The following RNF150 variants were observed in gnomAD, a reference collection of about 807,000 sequenced individuals.
The protein encoded by RNF150 is ring finger protein 150.
In RNF150, 24 loss-of-function variants were observed where a neutral mutation model predicts 39.3. The observed-to-expected ratio is 0.61, with a 90% confidence interval of 0.44 to 0.86. The LOEUF (loss-of-function observed/expected upper bound fraction) is 0.86. Among genes scored for constraint, RNF150 ranks in the 40% least tolerant of loss-of-function variants. The probability of loss-of-function intolerance (pLI) is 0.00; values close to 1 mark genes in which losing one functional copy is unlikely to be tolerated. For missense variants in RNF150, 502 were observed against 587.8 expected (o/e 0.85, Z 1.51); for synonymous variants, 255 against 227.3 (o/e 1.12, Z -1.10).
At chr4:140,939,489 G>A (rs974650123) in intron 4 of RNF150, among the ~76,000 whole-genome samples, 3 of 152,144 alleles carry the variant, frequency 2.0e-5, no homozygotes, top group African/African-American at 7.2e-5. Flanking sequence ...AATAGAATCA[G>A]TTATCTATTT....
In RNF150 at chr4:140,867,966, TG is replaced by T. The variant is rs1437722083; in HGVS notation, c.*294del. 3.4e-6 allele frequency: 1 copy of T among 295,462 alleles called. No homozygotes were observed. The allele number at this position is 295,462 out of a possible 1,614,324, so 18.3% of individuals were successfully genotyped here. On this transcript the variant is annotated 3_prime_UTR_variant, in exon 7 of 7. Coordinates refer to ENST00000515673, the MANE Select transcript of RNF150 (RefSeq NM_020724.2). Reference sequence around the variant, plus strand: ...AAATGAAACTAAGAAATCCTAAAGGTGGCCTTTCAGTCTCTGTTTTAGGAGC... The same window carrying T: ...AAATGAAACTAAGAAATCCTAAAGGTGCCTTTCAGTCTCTGTTTTAGGAGC...
intron 1 of RNF150, among the ~76,000 whole-genome samples, chr4:140,992,750 T>G (rs185192072): frequency 9.2e-5 from 14 of 152,260 alleles, no homozygotes; most frequent in African/African-American, 3.4e-4. Flanking sequence ...CTCCTCCCCC[T>G]TTCATGCTAG....
chr4:141,075,153 T>G (rs1043679187), intron 1 of RNF150, among the ~76,000 whole-genome samples: 12 of 152,210 alleles, frequency 7.9e-5, no homozygotes, highest in African/African-American at 2.9e-4. Flanking sequence ...CAGGGAGGAA[T>G]GGGCAAGTGT....
chr4:141,043,645 A>C (rs1303816819), intron 1 of RNF150, among the ~76,000 whole-genome samples: 1 of 152,132 alleles, frequency 6.6e-6, no homozygotes, highest in Non-Finnish European at 1.5e-5. Flanking sequence ...GGCTAGCCAT[A>C]TACATGTAAA....
At chr4:140,992,014 A>C (rs1305316502) in intron 1 of RNF150, among the ~76,000 whole-genome samples, 9 of 152,206 alleles carry the variant, frequency 5.9e-5, no homozygotes. Flanking sequence ...CTTTACTAAT[A>C]ATATCTGAAA....
At chr4:140,922,892 G>A (rs920167280) in intron 5 of RNF150, among the ~76,000 whole-genome samples, 1 of 150,702 alleles carries the variant, frequency 6.6e-6, no homozygotes, top group African/African-American at 2.5e-5. Flanking sequence ...TTTAATAAAC[G>A]GTGCTGGGAA....
At chr4:141,005,184 T>C (rs1734818030) in intron 1 of RNF150, among the ~76,000 whole-genome samples, 1 of 152,128 alleles carries the variant, frequency 6.6e-6, no homozygotes, top group African/African-American at 2.4e-5. Flanking sequence ...ATAGAAGATA[T>C]CCATATTTGG....
chr4:141,170,087 T>C (rs918534105), intron 1 of RNF150, among the ~76,000 whole-genome samples: 12 of 152,208 alleles, frequency 7.9e-5, no homozygotes, highest in Non-Finnish European at 1.2e-4. Context: ...ATAATTAAGA[T>C]AATGTTACAG....
intron 6 of RNF150, among the ~76,000 whole-genome samples, chr4:140,910,050 A>AT (rs1218772206): frequency 2.0e-5 from 3 of 152,130 alleles, no homozygotes; most frequent in East Asian, 1.9e-4. Flanking sequence ...GCCCTCAGTG[A>AT]TTTTTTTCAT....
At chr4:140,937,054 T>A (rs1388486369) in intron 4 of RNF150, among the ~76,000 whole-genome samples, 2 of 152,150 alleles carry the variant, frequency 1.3e-5, no homozygotes, top group Admixed American at 1.3e-4. Flanking sequence ...TTTTTCAAGA[T>A]CCTTTAAAAT....
chr4:141,003,663 A>G (rs73860215), intron 1 of RNF150, among the ~76,000 whole-genome samples: 11,487 of 152,058 alleles, frequency 0.076, 489 homozygotes, highest in Middle Eastern at 0.16. Context: ...AGGGGAGGAA[A>G]GTCATAGATG....
At chr4:140,877,636 C>T (rs62344969) in intron 6 of RNF150, among the ~76,000 whole-genome samples, 21,476 of 152,142 alleles carry the variant, frequency 0.14, 1,807 homozygotes, top group East Asian at 0.38. Context: ...GAAAGATGAC[C>T]TAAATACAGG....
At chr4:141,201,887 C>T (rs1728298236) in intron 1 of RNF150, among the ~76,000 whole-genome samples, 1 of 152,080 alleles carries the variant, frequency 6.6e-6, no homozygotes, top group African/African-American at 2.4e-5. Context: ...CAATGTGATA[C>T]TATTAGAAGC....
chr4:141,140,062 A>C (rs915782358), intron 1 of RNF150, among the ~76,000 whole-genome samples: 34 of 152,184 alleles, frequency 2.2e-4, no homozygotes, highest in Admixed American at 2.2e-3. Flanking sequence ...GAGGCCAGGT[A>C]CTTGCTGTAC....
At chr4:141,137,067 T>C (rs1727039459), upstream of RNF150, among the ~76,000 whole-genome samples, 1 of 152,150 alleles carries the variant, frequency 6.6e-6, no homozygotes, top group African/African-American at 2.4e-5. Context: ...AGATTGTATT[T>C]GATATGCAGA....
At chr4:140,957,043 A>T (rs1579002377) in intron 2 of RNF150, among the ~76,000 whole-genome samples, 1 of 149,380 alleles carries the variant, frequency 6.7e-6, no homozygotes. Context: ...ACAAAAGCCA[A>T]AATTGACAAA....
chr4:141,194,288 G>A (rs1402356408), intron 1 of RNF150, among the ~76,000 whole-genome samples: 2 of 151,954 alleles, frequency 1.3e-5, no homozygotes, highest in African/African-American at 4.8e-5. Flanking sequence ...AGTATTCTGG[G>A]GAAAATTAAT....
intron 1 of RNF150, among the ~76,000 whole-genome samples, chr4:141,120,063 A>G (rs1726561141): frequency 6.6e-6 from 1 of 152,238 alleles, no homozygotes. Context: ...TTCAATAGCT[A>G]TGCAATGGAT....
intron 5 of RNF150, among the ~76,000 whole-genome samples, chr4:140,924,600 T>A (rs1366132167): frequency 6.6e-6 from 1 of 152,068 alleles, no homozygotes; most frequent in African/African-American, 2.4e-5. Context: ...CATTTCCCCC[T>A]CCCCTGAAAG....
Sources: gnomAD v4.1 joint callset for allele counts (sites outside exome capture counted in the v4.1 genomes callset) on GRCh38, gnomAD v4.1.1 for gene constraint, MANE v1.5 for transcripts, NCBI Gene and HGNC (gene_info 2026-07-23, HGNC 2026-07-21) for gene names.